PRKCH: variants seen among roughly 807,000 people sequenced by gnomAD.
PRKCH encodes protein kinase C eta.
In PRKCH, 28 loss-of-function variants were observed where a neutral mutation model predicts 82.5. That is an observed-to-expected ratio of 0.34 (90% confidence interval 0.25 to 0.47). PRKCH has a LOEUF of 0.47. PRKCH is among the 20% of genes least tolerant of loss of function. The probability of loss-of-function intolerance (pLI) is 1.00; values close to 1 mark genes in which losing one functional copy is unlikely to be tolerated. For synonymous variants in PRKCH, 322 were observed against 327.4 expected (o/e 0.98, Z 0.18); for missense variants, 705 against 881.8 (o/e 0.80, Z 2.54).
chr14:61,270,266 G>A (rs990874783), intron 1 of PRKCH, among the ~76,000 whole-genome samples: 4 of 152,100 alleles, frequency 2.6e-5, no homozygotes, highest in Admixed American at 6.5e-5. Context: ...CCAGGGGTTC[G>A]AGACCAGCTT....
At chr14:61,326,979 G>A in intron 1 of PRKCH, 1 of 438,242 alleles carries the variant, frequency 2.3e-6, no homozygotes, top group South Asian at 1.6e-5. Context: ...ATGGGGACCA[G>A]CATCTAATGC....
intron 1 of PRKCH, among the ~76,000 whole-genome samples, chr14:61,356,057 G>A (rs1462798359): frequency 2.0e-5 from 3 of 152,280 alleles, no homozygotes; most frequent in South Asian, 2.1e-4. Context: ...CCAGAGAACC[G>A]GAAGAGCAGG....
intron 9 of PRKCH, among the ~76,000 whole-genome samples, chr14:61,460,550 T>C (rs1884982563): frequency 6.6e-6 from 1 of 152,240 alleles, no homozygotes; most frequent in Middle Eastern, 3.2e-3. Flanking sequence ...TATTTAATCC[T>C]TATAGTAACC....
At chr14:61,450,124 A>C (rs967755775) in intron 5 of PRKCH, among the ~76,000 whole-genome samples, 2 of 152,218 alleles carry the variant, frequency 1.3e-5, no homozygotes, top group Non-Finnish European at 2.9e-5. Context: ...GTATACCTAG[A>C]GGTATAAACC....
chr14:61,234,159 A>G (rs2044768566), intron 1 of PRKCH, among the ~76,000 whole-genome samples: 1 of 152,286 alleles, frequency 6.6e-6, no homozygotes, highest in South Asian at 2.1e-4. Context: ...GTTAACCCCA[A>G]TTTTGCCAGA....
intron 10 of PRKCH, among the ~76,000 whole-genome samples, chr14:61,488,974 A>G (rs1410061274): frequency 1.3e-5 from 2 of 152,230 alleles, no homozygotes; most frequent in Non-Finnish European, 2.9e-5. Context: ...TAATTAGGAT[A>G]GATTCAAATG....
chr14:61,311,152 C>G (rs1015374474), intron 1 of PRKCH, among the ~76,000 whole-genome samples: 1 of 152,230 alleles, frequency 6.6e-6, no homozygotes, highest in Non-Finnish European at 1.5e-5. Flanking sequence ...GAGACATTTT[C>G]CCCATTGTCT....
chr14:61,231,362 A>ATTT (rs10656204), intron 1 of PRKCH, among the ~76,000 whole-genome samples: 3,083 of 128,494 alleles, frequency 0.024, 234 homozygotes, highest in African/African-American at 0.064. Context: ...ATCCAGATGA[A>ATTT]TTTTTTTTTT....
At chr14:61,493,661 G>T (rs1470094519) in intron 10 of PRKCH, among the ~76,000 whole-genome samples, 1 of 152,116 alleles carries the variant, frequency 6.6e-6, no homozygotes, top group Non-Finnish European at 1.5e-5. Flanking sequence ...GGTAACCTTT[G>T]AAGAATTCTC....
chr14:61,343,718 G>A (rs2045957326), intron 1 of PRKCH, among the ~76,000 whole-genome samples: 1 of 152,200 alleles, frequency 6.6e-6, no homozygotes. Context: ...AAAATTTTAA[G>A]TACAAAGACA....
At chr14:61,332,764 T>C (rs1004270368) in intron 1 of PRKCH, among the ~76,000 whole-genome samples, 6 of 152,238 alleles carry the variant, frequency 3.9e-5, no homozygotes, top group African/African-American at 1.4e-4. Context: ...AGCTGCATAT[T>C]TATTCGTAAG....
rs552341271 is a variant in PRKCH, at chr14:61,445,633, A to G, written c.579-59A>G. The G allele has an allele frequency of 3.6e-5, 53 of 1,458,990 alleles. No individual in the cohort carries two copies. The South Asian group carries it at 5.7e-4, about 16-fold the overall frequency. 90.4% of individuals were successfully genotyped at this position (1,458,990 alleles called of 1,614,324 possible). A position where few individuals can be genotyped will look rare whatever the true frequency, so the allele number is the denominator to read the frequency against. On this transcript the variant is annotated intron_variant, in intron 3 of 13. Transcript: ENST00000332981. ...AGGATGAAATTTGTTTTCCTTAAGGACTATAAGAGGGTTATTGCTGAAATA... is the reference window on the plus strand; with the variant it reads ...AGGATGAAATTTGTTTTCCTTAAGGGCTATAAGAGGGTTATTGCTGAAATA...
At chr14:61,339,830 G>A (rs957694371) in intron 1 of PRKCH, among the ~76,000 whole-genome samples, 28 of 150,902 alleles carry the variant, frequency 1.9e-4, no homozygotes, top group Admixed American at 7.2e-4. Flanking sequence ...ACAGGCATGC[G>A]CCACCATGCC....
chr14:61,548,232 C>T (rs1264138539), intron 13 of PRKCH, among the ~76,000 whole-genome samples: 1 of 152,180 alleles, frequency 6.6e-6, no homozygotes, highest in Non-Finnish European at 1.5e-5. Context: ...TGGCCAATTT[C>T]CTCATGCTCC....
intron 1 of PRKCH, among the ~76,000 whole-genome samples, chr14:61,265,805 G>C (rs147944198): frequency 3.9e-5 from 6 of 152,174 alleles, no homozygotes; most frequent in African/African-American, 1.4e-4. Flanking sequence ...CTCCAAATAA[G>C]AGCCCCCAGC....
At chr14:61,398,361 C>A (rs747238063) in intron 2 of PRKCH, among the ~76,000 whole-genome samples, 1 of 152,150 alleles carries the variant, frequency 6.6e-6, no homozygotes, top group Non-Finnish European at 1.5e-5. Context: ...AAATTCATAA[C>A]TGCTTTAATT....
In PRKCH at chr14:61,230,349, G is replaced by A. The variant is rs1317409597; in HGVS notation, c.-19+42681G>A. Reference sequence around the variant, plus strand: ...TAATCAGGAAAATTCTAATTCCTCAGGAGGGAGAATAAAGTCATGACTCTC... The same window carrying A: ...TAATCAGGAAAATTCTAATTCCTCAAGAGGGAGAATAAAGTCATGACTCTC... On this transcript the variant is annotated intron_variant, in intron 1 of 3. Coordinates refer to the PRKCH transcript ENST00000555185. Among the ~76,000 whole-genome samples the A allele has an allele frequency of 3.3e-5, 5 of 152,108 alleles. No individual in the cohort carries two copies. In the East Asian group the frequency reaches 9.6e-4, roughly 29 times the overall value.
chr14:61,352,249 T>G (rs1005057528), intron 1 of PRKCH, among the ~76,000 whole-genome samples: 1 of 152,240 alleles, frequency 6.6e-6, no homozygotes, highest in Non-Finnish European at 1.5e-5. Flanking sequence ...TCTGTAGGTC[T>G]GCTTTTTGAA....
At chr14:61,351,386 C>T (rs907898580) in intron 1 of PRKCH, among the ~76,000 whole-genome samples, 1 of 152,100 alleles carries the variant, frequency 6.6e-6, no homozygotes, top group Non-Finnish European at 1.5e-5. Flanking sequence ...GCGAGGAGTG[C>T]AGGTGGTGGT....
Sources: gnomAD v4.1 joint callset for allele counts (sites outside exome capture counted in the v4.1 genomes callset) on GRCh38, gnomAD v4.1.1 for gene constraint, MANE v1.5 for transcripts, NCBI Gene and HGNC (gene_info 2026-07-23, HGNC 2026-07-21) for gene names.